Variants in IL1RAPL1 observed in about 807,000 individuals in gnomAD.
IL1RAPL1 encodes interleukin 1 receptor accessory protein like 1.
In IL1RAPL1, 3 loss-of-function variants were observed where a neutral mutation model predicts 48.4. That is an observed-to-expected ratio of 0.06 (90% confidence interval 0.03 to 0.16). The LOEUF (loss-of-function observed/expected upper bound fraction) is 0.16, where lower values mean the gene tolerates loss of function less well. Ranked by LOEUF, IL1RAPL1 falls within the 10% of genes least tolerant of loss-of-function variation. IL1RAPL1 has a pLI of 1.00. For synonymous variants in IL1RAPL1, 185 were observed against 187.7 expected (o/e 0.99, Z 0.12); for missense variants, 349 against 530.6 (o/e 0.66, Z 3.36).
chrX:29,728,136 C>A (rs1320731554), intron 6 of IL1RAPL1, among the ~76,000 whole-genome samples: 1 of 110,910 alleles, frequency 9.0e-6, no homozygotes, highest in Non-Finnish European at 1.9e-5. Flanking sequence ...TGGGGTTTCA[C>A]CGTGTTAACC....
intron 6 of IL1RAPL1, among the ~76,000 whole-genome samples, chrX:29,855,341 C>T (rs181815580): frequency 7.4e-4 from 83 of 112,138 alleles, no homozygotes; most frequent in Non-Finnish European, 7.1e-4. Flanking sequence ...CTCACATGTA[C>T]GCTCATATGC....
intron 2 of IL1RAPL1, among the ~76,000 whole-genome samples, chrX:29,180,228 AT>A (rs1930116525): frequency 9.1e-6 from 1 of 110,354 alleles, no homozygotes; most frequent in African/African-American, 3.3e-5. Context: ...AAAAAAAAAA[AT>A]TGAGGAACAA....
intron 2 of IL1RAPL1, among the ~76,000 whole-genome samples, chrX:29,208,740 A>T (rs866207194): frequency 2.8e-5 from 3 of 106,796 alleles, no homozygotes; most frequent in Non-Finnish European, 3.8e-5. Flanking sequence ...AATAATAAAT[A>T]AATAAATAAA....
intron 1 of IL1RAPL1, among the ~76,000 whole-genome samples, chrX:28,597,033 CTAAA>C (rs1933963079): frequency 9.0e-6 from 1 of 110,698 alleles, no homozygotes; most frequent in Admixed American, 9.7e-5. Context: ...ATGTGACCTT[CTAAA>C]TAGAGGGGAG....
intron 1 of IL1RAPL1, among the ~76,000 whole-genome samples, chrX:28,719,065 G>A (rs961600049): frequency 1.8e-5 from 2 of 110,785 alleles, no homozygotes; most frequent in African/African-American, 3.3e-5. Flanking sequence ...CATATAGGTA[G>A]GGTTAGACAT....
At chrX:29,563,383 G>T (rs896062828) in intron 5 of IL1RAPL1, among the ~76,000 whole-genome samples, 32 of 111,573 alleles carry the variant, frequency 2.9e-4, no homozygotes, top group Admixed American at 2.9e-4. Context: ...TGTTAATAAA[G>T]GGTTCCTTAG....
intron 6 of IL1RAPL1, among the ~76,000 whole-genome samples, chrX:29,717,203 TAC>T (rs61417683): frequency 1.9e-3 from 181 of 95,176 alleles, no homozygotes; most frequent in South Asian, 7.0e-3. Flanking sequence ...AGAGCCAGAT[TAC>T]ACACACACAC....
chrX:28,782,807 A>G (rs751475689), intron 1 of IL1RAPL1, among the ~76,000 whole-genome samples: 1 of 111,844 alleles, frequency 8.9e-6, no homozygotes, highest in Admixed American at 9.6e-5. Flanking sequence ...AGTTATTTTT[A>G]TCCCCAATCA....
At chrX:29,699,662 C>CT (rs1212743587) in intron 6 of IL1RAPL1, among the ~76,000 whole-genome samples, 3 of 112,274 alleles carry the variant, frequency 2.7e-5, no homozygotes, top group Admixed American at 9.5e-5. Flanking sequence ...TTCACTTTCT[C>CT]TTTTCTGTAA....
At chrX:29,660,638 C>T (rs1348456790) in intron 5 of IL1RAPL1, among the ~76,000 whole-genome samples, 1 of 111,505 alleles carries the variant, frequency 9.0e-6, no homozygotes, top group African/African-American at 3.3e-5. Context: ...AATGAGTTGG[C>T]TGTAAGTGCA....
chrX:29,766,184 C>T (rs191120134), intron 6 of IL1RAPL1, among the ~76,000 whole-genome samples: 8,125 of 104,357 alleles, frequency 0.078, 295 homozygotes, highest in Middle Eastern at 0.23. Flanking sequence ...AAAAATTAGC[C>T]GGGCATGGTG....
At chrX:28,827,922 C>T (rs1307103203) in intron 2 of IL1RAPL1, among the ~76,000 whole-genome samples, 3 of 111,685 alleles carry the variant, frequency 2.7e-5, no homozygotes, top group East Asian at 2.8e-4. Context: ...TTTATAAGTA[C>T]AGTTTATCTC....
At chrX:28,905,589 A>G (rs1923197197) in intron 2 of IL1RAPL1, among the ~76,000 whole-genome samples, 1 of 112,046 alleles carries the variant, frequency 8.9e-6, no homozygotes, top group Admixed American at 9.5e-5. Context: ...CTGAATTAGA[A>G]CATTTTGAAT....
intron 1 of IL1RAPL1, among the ~76,000 whole-genome samples, chrX:28,781,053 AG>A (rs909355726): frequency 5.4e-5 from 6 of 111,051 alleles, no homozygotes; most frequent in African/African-American, 2.0e-4. Context: ...TGAATATTTA[AG>A]GTGGTATATT....
rs576187811 is a variant in IL1RAPL1, at chrX:28,594,819, C to A, written c.-25+6772C>A. ...TCCTTTACGCACACCTGATTTTTGACCTCATTTGATCCCTGGAGACACAAT... is the reference window on the plus strand; with the variant it reads ...TCCTTTACGCACACCTGATTTTTGAACTCATTTGATCCCTGGAGACACAAT... On this transcript the variant is annotated intron_variant, in intron 1 of 10. Transcript: ENST00000378993. 1.6e-4 allele frequency among the ~76,000 whole-genome samples: 18 copies of A among 111,899 alleles called. No homozygotes were observed. The South Asian group carries it at 6.8e-3, about 42-fold the overall frequency.
chrX:29,590,235 C>A (rs1295449966), intron 5 of IL1RAPL1, among the ~76,000 whole-genome samples: 1 of 111,375 alleles, frequency 9.0e-6, no homozygotes, highest in East Asian at 2.8e-4. Flanking sequence ...GCCCACTTTC[C>A]AATACCAGTG....
At chrX:29,196,251 C>G (rs1357192436) in intron 2 of IL1RAPL1, among the ~76,000 whole-genome samples, 1 of 112,078 alleles carries the variant, frequency 8.9e-6, no homozygotes, top group Non-Finnish European at 1.9e-5. Context: ...AGTGAGCTAC[C>G]TAGAGAATGT....
At chrX:28,726,339 C>G (rs1244818163) in intron 1 of IL1RAPL1, among the ~76,000 whole-genome samples, 1 of 112,328 alleles carries the variant, frequency 8.9e-6, no homozygotes, top group Non-Finnish European at 1.9e-5. Context: ...TTTGGTTCTA[C>G]TTAATAACAC....
chrX:29,905,846 A>G (rs1049796850), intron 6 of IL1RAPL1, among the ~76,000 whole-genome samples: 1 of 111,474 alleles, frequency 9.0e-6, no homozygotes, highest in Admixed American at 9.6e-5. Flanking sequence ...TGCTGATGTG[A>G]TATGAGGGGA....
Sources: allele counts gnomAD v4.1 joint callset (sites outside exome capture counted in the v4.1 genomes callset), GRCh38; gene constraint gnomAD v4.1.1; transcripts MANE v1.5; gene names NCBI Gene and HGNC (gene_info 2026-07-23, HGNC 2026-07-21).